Variants in CAST observed in about 807,000 individuals in gnomAD.
CAST encodes MIR583 host.
CAST carries 76 observed loss-of-function variants against 119.6 expected under a neutral mutation model. The ratio of observed to expected loss-of-function variants is 0.64; its 90% CI spans 0.53 to 0.77. CAST has a LOEUF of 0.77. Ranked by LOEUF, CAST falls within the 30% of genes least tolerant of loss-of-function variation. The pLI is 0.00. For synonymous variants in CAST, 319 were observed against 331.6 expected (o/e 0.96, Z 0.41); for missense variants, 953 against 946.5 (o/e 1.01, Z -0.09).
chr5:96,618,330 T>C (rs1207877920), intron 1 of CAST, among the ~76,000 whole-genome samples: 1 of 152,220 alleles, frequency 6.6e-6, no homozygotes, highest in Non-Finnish European at 1.5e-5. Flanking sequence ...GGTATTCTCC[T>C]GGTCTTAGTG....
chr5:96,445,553 C>T, the CAST span, among the ~76,000 whole-genome samples: 3 of 152,112 alleles, frequency 2.0e-5, no homozygotes, highest in Admixed American at 2.0e-4. Flanking sequence ...CTCTCTTTTC[C>T]TCTTCATACA....
chr5:96,326,545 A>G, the CAST span, among the ~76,000 whole-genome samples: 3 of 151,970 alleles, frequency 2.0e-5, no homozygotes, highest in Admixed American at 2.0e-4. Flanking sequence ...TTGGAACCCC[A>G]AACTGTTGAT....
chr5:96,009,012 T>C, the CAST span, among the ~76,000 whole-genome samples: 7 of 152,166 alleles, frequency 4.6e-5, no homozygotes, highest in African/African-American at 1.7e-4. Flanking sequence ...CCTGTGATTA[T>C]GTCCATGTGT....
the CAST span, among the ~76,000 whole-genome samples, chr5:96,349,137 C>CTTTTTTTTTTTTTTTTTT: frequency 6.4e-5 from 2 of 31,306 alleles, no homozygotes; most frequent in African/African-American, 3.6e-4. Context: ...AACAAGGACA[C>CTTTTTTTTTTTTTTTTTT]TATTTTTTTT....
chr5:96,542,333 A>G (rs1420491835), intron 1 of CAST, among the ~76,000 whole-genome samples: 1 of 137,812 alleles, frequency 7.3e-6, no homozygotes, highest in South Asian at 2.4e-4. Flanking sequence ...AGACAAAACT[A>G]TTTTTAGTTT....
intron 1 of CAST, among the ~76,000 whole-genome samples, chr5:96,588,196 CTTTTT>C (rs140665192): frequency 0.022 from 1,674 of 75,814 alleles, 3 homozygotes; most frequent in Non-Finnish European, 0.03. Flanking sequence ...TTCTTTCTTT[CTTTTT>C]TTTTTTTTTT....
the CAST span, among the ~76,000 whole-genome samples, chr5:96,351,213 T>C: frequency 6.6e-6 from 1 of 152,146 alleles, no homozygotes; most frequent in Non-Finnish European, 1.5e-5. Context: ...GTTGAGTGTG[T>C]ATAATGGATT....
At chr5:96,140,030 G>A in the CAST span, among the ~76,000 whole-genome samples, 1 of 152,216 alleles carries the variant, frequency 6.6e-6, no homozygotes, top group African/African-American at 2.4e-5. Flanking sequence ...TTCAAATGGA[G>A]TTTGTAGTTC....
At chr5:96,310,970 C>T in the CAST span, among the ~76,000 whole-genome samples, 7 of 151,552 alleles carry the variant, frequency 4.6e-5, no homozygotes, top group Non-Finnish European at 1.0e-4. Flanking sequence ...CTTTACATAA[C>T]ATTGAGATTA....
the CAST span, among the ~76,000 whole-genome samples, chr5:96,180,511 C>T: frequency 6.6e-6 from 1 of 152,092 alleles, no homozygotes; most frequent in African/African-American, 2.4e-5. Flanking sequence ...ATTCTCAGTC[C>T]CTTGTTTTCC....
chr5:96,577,099 T>C (rs1246219257), intron 1 of CAST, among the ~76,000 whole-genome samples: 1 of 152,224 alleles, frequency 6.6e-6, no homozygotes. Flanking sequence ...TTTCTGTTTC[T>C]GCCTTAGTTT....
chr5:96,305,977 G>C, the CAST span, among the ~76,000 whole-genome samples: 1 of 152,164 alleles, frequency 6.6e-6, no homozygotes, highest in Non-Finnish European at 1.5e-5. Flanking sequence ...TAAAATGTGT[G>C]AAGGAGGAGT....
chr5:96,178,479 C>A, the CAST span, among the ~76,000 whole-genome samples: 1 of 151,940 alleles, frequency 6.6e-6, no homozygotes. Context: ...TCTCCTGAAA[C>A]AATGGTGCCT....
the CAST span, among the ~76,000 whole-genome samples, chr5:96,022,684 T>G: frequency 2.6e-5 from 4 of 152,330 alleles, no homozygotes; most frequent in South Asian, 8.3e-4. Flanking sequence ...AGAACCAATA[T>G]GTATATTACA....
At chr5:96,672,706 CAA>C (rs11427288) in intron 1 of CAST, among the ~76,000 whole-genome samples, 121 of 59,152 alleles carry the variant, frequency 2.0e-3, no homozygotes, top group African/African-American at 5.7e-3. Flanking sequence ...GACTCAGTCT[CAA>C]AAAAAAAAAA....
chr5:96,399,812 G>A, the CAST span: 1 of 695,306 alleles, frequency 1.4e-6, no homozygotes, highest in African/African-American at 1.8e-5. Context: ...AGTCCCCATG[G>A]ATACCCACAG....
chr5:96,118,223 C>CT, the CAST span, among the ~76,000 whole-genome samples: 4,305 of 145,984 alleles, frequency 0.029, 173 homozygotes, highest in African/African-American at 0.098. Context: ...TTTTCTCTCT[C>CT]TTTTTTTTTT....
At chr5:96,566,913 G>A (rs771440141) in intron 1 of CAST, among the ~76,000 whole-genome samples, 6 of 152,052 alleles carry the variant, frequency 3.9e-5, no homozygotes, top group African/African-American at 1.2e-4. Context: ...TTTTAGTTTC[G>A]TTTTGCTTTG....
chr5:96,589,200 A>G (rs1746919149), intron 1 of CAST, among the ~76,000 whole-genome samples: 13 of 152,172 alleles, frequency 8.5e-5, no homozygotes, highest in Admixed American at 8.5e-4. Flanking sequence ...CAAAGGTCCA[A>G]CTGATGCTCA....
Sources: gnomAD v4.1 joint callset for allele counts (sites outside exome capture counted in the v4.1 genomes callset) on GRCh38, gnomAD v4.1.1 for gene constraint, MANE v1.5 for transcripts, NCBI Gene and HGNC (gene_info 2026-07-23, HGNC 2026-07-21) for gene names.